The following PAPSS2 variants were observed in gnomAD, a reference collection of about 807,000 sequenced individuals.
PAPSS2 encodes the protein 3'-phosphoadenosine 5'-phosphosulfate synthase 2, also known as bifunctional 3'-phosphoadenosine 5'-phosphosulfate synthase 2.
In PAPSS2, 61 loss-of-function variants were observed where a neutral mutation model predicts 66.5. That is an observed-to-expected ratio of 0.92 (90% CI 0.75 to 1.14). The LOEUF (loss-of-function observed/expected upper bound fraction) is 1.14. PAPSS2 is among the 50% of genes most tolerant of loss of function. The probability of loss-of-function intolerance (pLI) is 0.00; values close to 1 mark genes in which losing one functional copy is unlikely to be tolerated. For missense variants in PAPSS2, 708 were observed against 789.6 expected (o/e 0.90, Z 1.24); for synonymous variants, 289 against 287.5 (o/e 1.01, Z -0.05).
At chr10:87,673,783 C>G (rs544075448) in intron 1 of PAPSS2, among the ~76,000 whole-genome samples, 1 of 145,030 alleles carries the variant, frequency 6.9e-6, no homozygotes, top group African/African-American at 2.5e-5. Flanking sequence ...TTCTTGTCCA[C>G]TTCTGATTCA....
At chr10:87,696,525 A>C (rs1350842343) in intron 1 of PAPSS2, among the ~76,000 whole-genome samples, 1 of 152,236 alleles carries the variant, frequency 6.6e-6, no homozygotes, top group African/African-American at 2.4e-5. Flanking sequence ...AATGTTGTCC[A>C]TAAATATCAT....
chr10:87,729,978 G>C (rs555256719), intron 9 of PAPSS2, among the ~76,000 whole-genome samples: 1 of 152,228 alleles, frequency 6.6e-6, no homozygotes, highest in African/African-American at 2.4e-5. Context: ...CCTGCAACAA[G>C]AGCGATACTC....
chr10:87,678,027 A>G (rs1212445778), intron 1 of PAPSS2, among the ~76,000 whole-genome samples: 1 of 152,232 alleles, frequency 6.6e-6, no homozygotes, highest in Non-Finnish European at 1.5e-5. Context: ...CAAGAAAAAA[A>G]CATGAATCTT....
In PAPSS2 at chr10:87,715,058, G is replaced by T. The variant is rs774228046; in HGVS notation, c.713G>T (p.Arg238Leu). Residue 238 changes from arginine to leucine, a missense_variant, in exon 6 of 13, where the codon CGA becomes CTA. By Grantham distance (102) the Arg-to-Leu change is moderately radical. Coordinates refer to ENST00000456849, the MANE Select transcript of PAPSS2 (RefSeq NM_001015880.2). ...FVPENKLDHV[R>L]AEAETLPSLS... ...CCGGAAAACAAACTTGACCACGTCC[G>T]AGCTGAGGCTGAAACTCTCCCTTCA... is the stretch of plus-strand genomic sequence containing the variant. The T allele has an allele frequency of 5.0e-6, 8 of 1,612,904 alleles. No individual in the cohort carries two copies. The South Asian group carries it at 7.7e-5, about 15-fold the overall frequency.
chr10:87,660,942 T>C (rs1047844819), intron 1 of PAPSS2: 1 of 455,758 alleles, frequency 2.2e-6, no homozygotes, highest in Non-Finnish European at 4.4e-6. Flanking sequence ...ACTCAGCAGT[T>C]TGGCCGCTGA....
At chr10:87,674,314 G>A (rs1021344140) in intron 1 of PAPSS2, among the ~76,000 whole-genome samples, 5 of 152,130 alleles carry the variant, frequency 3.3e-5, no homozygotes, top group Non-Finnish European at 7.4e-5. Context: ...ACAGGCACGT[G>A]CCACCACACC....
chr10:87,671,381 TA>T (rs1852876532), intron 1 of PAPSS2, among the ~76,000 whole-genome samples: 1 of 152,210 alleles, frequency 6.6e-6, no homozygotes, highest in Non-Finnish European at 1.5e-5. Context: ...CAAATGCTGT[TA>T]AAAGGCAATA....
rs560215672 is a variant in PAPSS2, at chr10:87,714,466, T to C, written c.521-279T>C. 5.9e-5 allele frequency among the ~76,000 whole-genome samples: 9 copies of C among 152,228 alleles called. No individual in the cohort carries two copies. In the South Asian group the frequency reaches 1.9e-3, roughly 32 times the overall value. ...GTGTGTGTAGAGGAGTGTTTCAGAG[T>C]TCTTCCTTATTCTTGTCTTCCTTTT... is the stretch of plus-strand genomic sequence containing the variant. On this transcript the variant is annotated intron_variant, in intron 4 of 12. Transcript: ENST00000456849.
Position 87,673,510 on chromosome 10 carries a change from G to C in PAPSS2, c.27+13502G>C, listed in dbSNP as rs564074556. Reference sequence around the variant, plus strand: ...TAAAAATTCATAGAGAGACATTTCTGTCTAGTTTTACTACCAGAAGGGTTA... The same window carrying C: ...TAAAAATTCATAGAGAGACATTTCTCTCTAGTTTTACTACCAGAAGGGTTA... On this transcript the variant is annotated intron_variant, in intron 1 of 12. Coordinates refer to ENST00000456849, the MANE Select transcript of PAPSS2 (RefSeq NM_001015880.2). 4.0e-5 allele frequency among the ~76,000 whole-genome samples: 6 copies of C among 151,854 alleles called. No homozygotes were observed. The East Asian group carries it at 1.2e-3, about 29-fold the overall frequency.
At chr10:87,730,497 G>A (rs959656432) in intron 9 of PAPSS2, among the ~76,000 whole-genome samples, 2 of 152,148 alleles carry the variant, frequency 1.3e-5, no homozygotes, top group African/African-American at 2.4e-5. Context: ...ATGTGTCAAA[G>A]TCTCAGTTAA....
chr10:87,735,665 G>A (rs895016615), intron 9 of PAPSS2, among the ~76,000 whole-genome samples: 1 of 152,158 alleles, frequency 6.6e-6, no homozygotes, highest in Non-Finnish European at 1.5e-5. Context: ...CAGCACTGTT[G>A]ACATATTGGA....
At chr10:87,680,384 G>A (rs1220599215) in intron 1 of PAPSS2, among the ~76,000 whole-genome samples, 1 of 152,082 alleles carries the variant, frequency 6.6e-6, no homozygotes, top group Non-Finnish European at 1.5e-5. Flanking sequence ...TCTTGGCTTT[G>A]GCACCTGGAT....
At chr10:87,706,056 G>T (rs1853379978) in intron 1 of PAPSS2, among the ~76,000 whole-genome samples, 1 of 136,258 alleles carries the variant, frequency 7.3e-6, no homozygotes, top group Non-Finnish European at 1.5e-5. Context: ...TTACTGAGTT[G>T]CCAGTGTGCT....
chr10:87,694,946 G>T (rs1853213909), intron 1 of PAPSS2, among the ~76,000 whole-genome samples: 1 of 152,200 alleles, frequency 6.6e-6, no homozygotes, highest in African/African-American at 2.4e-5. Flanking sequence ...AAAAAGTTAG[G>T]CCAGGCCAAG....
chr10:87,673,086 A>G (rs1589419215), intron 1 of PAPSS2, among the ~76,000 whole-genome samples: 1 of 152,338 alleles, frequency 6.6e-6, no homozygotes, highest in Non-Finnish European at 1.5e-5. Flanking sequence ...GCCAGTGTTC[A>G]GTTGGAAGAT....
intron 1 of PAPSS2, among the ~76,000 whole-genome samples, chr10:87,698,901 T>G (rs1853268053): frequency 2.0e-5 from 3 of 152,190 alleles, no homozygotes; most frequent in South Asian, 4.1e-4. Context: ...TTATGAAATT[T>G]TAATTTAGTG....
At chr10:87,688,509 G>A (rs979027565) in intron 1 of PAPSS2, among the ~76,000 whole-genome samples, 1 of 149,504 alleles carries the variant, frequency 6.7e-6, no homozygotes, top group Middle Eastern at 3.5e-3. Flanking sequence ...ACCCAGGCTG[G>A]AGTGCAGTGG....
At chr10:87,701,298 T>TCC (rs1853303267) in intron 1 of PAPSS2, among the ~76,000 whole-genome samples, 1 of 136,000 alleles carries the variant, frequency 7.4e-6, no homozygotes, top group South Asian at 2.6e-4. Flanking sequence ...CTTTCTTTCT[T>TCC]TTTTCCTTCC....
At chr10:87,693,495 C>T (rs7921812) in intron 1 of PAPSS2, among the ~76,000 whole-genome samples, 8,527 of 152,218 alleles carry the variant, frequency 0.056, 794 homozygotes, top group African/African-American at 0.19. Context: ...TTCATAATAA[C>T]ACATATTTTA....
Sources: gnomAD v4.1 joint callset for allele counts (sites outside exome capture counted in the v4.1 genomes callset) on GRCh38, gnomAD v4.1.1 for gene constraint, MANE v1.5 for transcripts, NCBI Gene and HGNC (gene_info 2026-07-23, HGNC 2026-07-21) for gene names.